DAB1: variants seen among roughly 807,000 people sequenced by gnomAD.
The protein encoded by DAB1 is DAB adaptor protein 1, also known as disabled homolog 1.
Under a neutral mutation model 64.6 loss-of-function variants are expected in DAB1, and 15 were observed. The ratio of observed to expected loss-of-function variants is 0.23; its 90% CI spans 0.16 to 0.36. The LOEUF (loss-of-function observed/expected upper bound fraction) is 0.36, where lower values mean the gene tolerates loss of function less well. DAB1 is among the 10% of genes least tolerant of loss of function. The pLI is 1.00. For synonymous variants in DAB1, 235 were observed against 251.9 expected (o/e 0.93, Z 0.64); for missense variants, 596 against 706.7 (o/e 0.84, Z 1.78).
intron 6 of DAB1, among the ~76,000 whole-genome samples, chr1:57,695,299 GGAAAGAAAGAAAGAAAGAA>G (rs1646814495): frequency 2.4e-4 from 9 of 37,174 alleles, no homozygotes; most frequent in African/African-American, 5.4e-4. Context: ...GGAGAGAGAA[GGAAAGAAAGAAAGAAAGAA>G]AGAAAGAAAG....
At chr1:57,108,408 G>A (rs762326885) in intron 4 of DAB1, among the ~76,000 whole-genome samples, 7 of 152,194 alleles carry the variant, frequency 4.6e-5, no homozygotes, top group Non-Finnish European at 8.8e-5. Flanking sequence ...CCATGCAGCA[G>A]TTCCTTCTCA....
chr1:57,404,218 T>G (rs918938423), intron 1 of DAB1, among the ~76,000 whole-genome samples: 4 of 152,184 alleles, frequency 2.6e-5, no homozygotes. Flanking sequence ...TTTAAAGAGA[T>G]ATGGGAATAA....
chr1:57,316,158 G>A (rs183633159), intron 1 of DAB1, among the ~76,000 whole-genome samples: 3 of 152,248 alleles, frequency 2.0e-5, no homozygotes, highest in Admixed American at 6.5e-5. Context: ...TCTGACTATC[G>A]CAAAAGAAAT....
At chr1:58,360,247 G>T (rs77332134) in intron 3 of DAB1, among the ~76,000 whole-genome samples, 122 of 152,298 alleles carry the variant, frequency 8.0e-4, no homozygotes, top group African/African-American at 2.8e-3. Context: ...AGGCTGCAAG[G>T]AGGAGGCATT....
intron 3 of DAB1, among the ~76,000 whole-genome samples, chr1:58,418,769 A>G (rs548386060): frequency 7.8e-4 from 119 of 152,162 alleles, no homozygotes; most frequent in African/African-American, 2.8e-3. Flanking sequence ...ATTTGTTTGG[A>G]GAGTAGAAAA....
chr1:57,569,288 G>A (rs2406071), intron 7 of DAB1, among the ~76,000 whole-genome samples: 93,682 of 141,506 alleles, frequency 0.66, 31,849 homozygotes, highest in South Asian at 0.79. Flanking sequence ...ACATGCACAC[G>A]TATGTTTATT....
chr1:57,163,796 C>A (rs1660980459), intron 2 of DAB1, among the ~76,000 whole-genome samples: 1 of 152,014 alleles, frequency 6.6e-6, no homozygotes, highest in African/African-American at 2.4e-5. Context: ...AAGGGAAGAA[C>A]AAGTGTAACT....
intron 3 of DAB1, among the ~76,000 whole-genome samples, chr1:58,428,458 A>G (rs1644840575): frequency 6.6e-6 from 1 of 152,232 alleles, no homozygotes; most frequent in African/African-American, 2.4e-5. Context: ...GCAATAAAAT[A>G]AAACAAAGGT....
At chr1:57,906,936 G>GTAGA (rs1557548565) in intron 5 of DAB1, among the ~76,000 whole-genome samples, 21 of 121,360 alleles carry the variant, frequency 1.7e-4, no homozygotes, top group African/African-American at 5.8e-4. Context: ...AATATAATAT[G>GTAGA]CAGATAGATA....
rs532189772 is a variant in DAB1 at position 58,322,850 on chromosome 1, T to A, written n.309+20502A>T. 1.4e-3 allele frequency among the ~76,000 whole-genome samples: 206 copies of A among 152,222 alleles called. 1 individual carries two copies. Among genetic ancestry groups the A allele is most frequent in the Non-Finnish European group, 2.4e-3 (160 of 68,020 alleles). On this transcript the variant is annotated intron_variant and non_coding_transcript_variant, in intron 4 of 20. Coordinates refer to the DAB1 transcript ENST00000485760. ...GACTTGGAACCAACCCAAATGTCCA[T>A]CAATGATAGACTGGATTAAGAAAAT...
At chr1:58,306,511 A>T (rs1025702741) in intron 4 of DAB1, among the ~76,000 whole-genome samples, 2 of 152,056 alleles carry the variant, frequency 1.3e-5, no homozygotes, top group Non-Finnish European at 2.9e-5. Context: ...TGCATCTATT[A>T]GTTTCAAAGA....
chr1:57,139,417 T>C (rs1658396598), intron 3 of DAB1, among the ~76,000 whole-genome samples: 1 of 152,106 alleles, frequency 6.6e-6, no homozygotes. Context: ...CTTCCCAGGA[T>C]CCAGAACTGT....
rs553310720 is a variant in DAB1, at chr1:57,914,501, A to T, written n.388-30339T>A. The stretch of plus-strand genomic sequence containing the variant: ...ACGAGTTAATGGGTGCAGCACACCA[A>T]CATGGCACATGTATACATATGTAAC... On this transcript the variant is annotated intron_variant and non_coding_transcript_variant, in intron 5 of 20. Transcript: ENST00000485760. 1.5e-4 allele frequency among the ~76,000 whole-genome samples: 23 copies of T among 152,226 alleles called. No individual in the cohort carries two copies. In the South Asian group the frequency reaches 4.8e-3, roughly 32 times the overall value.
At chr1:57,651,156 CAA>C (rs539158981) in intron 6 of DAB1, among the ~76,000 whole-genome samples, 1 of 138,404 alleles carries the variant, frequency 7.2e-6, no homozygotes. Flanking sequence ...GTCAGTAAAA[CAA>C]AAAAAAAAAG....
intron 4 of DAB1, among the ~76,000 whole-genome samples, chr1:58,294,265 G>A (rs916063778): frequency 6.6e-6 from 1 of 152,052 alleles, no homozygotes; most frequent in African/African-American, 2.4e-5. Context: ...GAGGGAATTT[G>A]AATTTTTGGA....
chr1:58,343,886 C>T (rs1643967342), intron 3 of DAB1, among the ~76,000 whole-genome samples: 1 of 152,140 alleles, frequency 6.6e-6, no homozygotes, highest in South Asian at 2.1e-4. Context: ...AGAAACATTG[C>T]TGTTTAACCT....
chr1:57,984,176 GCTTAAAAA>G (rs1646135073), intron 5 of DAB1, among the ~76,000 whole-genome samples: 1 of 77,332 alleles, frequency 1.3e-5, no homozygotes, highest in African/African-American at 5.0e-5. Flanking sequence ...CCCAGGACTA[GCTTAAAAA>G]AAAGAAAGAA....
At chr1:57,599,591 AG>A (rs1645552379) in intron 7 of DAB1, among the ~76,000 whole-genome samples, 1 of 152,096 alleles carries the variant, frequency 6.6e-6, no homozygotes, top group African/African-American at 2.4e-5. Flanking sequence ...TGTAAAATGG[AG>A]ATAATCGTAC....
rs12045174 is a variant in DAB1, at chr1:57,339,323, T to A, written c.-136-48157A>T. On this transcript the variant is annotated intron_variant, in intron 1 of 14. Coordinates refer to ENST00000371236, the MANE Select transcript of DAB1 (RefSeq NM_001365792.1). Reference sequence around the variant, plus strand: ...GGCGCCCGCCACCAAGCCCAGCTAATTTTTTTGTATTTTTAGTAGAGATGG... The same window carrying A: ...GGCGCCCGCCACCAAGCCCAGCTAAATTTTTTGTATTTTTAGTAGAGATGG... Among the ~76,000 whole-genome samples the A allele has an allele frequency of 5.0e-4, 76 of 152,082 alleles. 1 individual carries two copies. In the East Asian group the frequency reaches 6.8e-3, roughly 14 times the overall value.
Sources: gnomAD v4.1 joint callset for allele counts (sites outside exome capture counted in the v4.1 genomes callset) on GRCh38, gnomAD v4.1.1 for gene constraint, MANE v1.5 for transcripts, NCBI Gene and HGNC (gene_info 2026-07-23, HGNC 2026-07-21) for gene names.